The following KAZN variants were observed in gnomAD, a reference collection of about 807,000 sequenced individuals.
KAZN encodes the protein kazrin, periplakin interacting protein.
In KAZN, 40 loss-of-function variants were observed where a neutral mutation model predicts 87.4. The ratio of observed to expected loss-of-function variants is 0.46; its 90% CI spans 0.36 to 0.60. The LOEUF (loss-of-function observed/expected upper bound fraction) is 0.60. Among genes scored for constraint, KAZN ranks in the 20% least tolerant of loss-of-function variants. The pLI is 0.00. For missense variants in KAZN, 898 were observed against 1,073.9 expected, an observed-to-expected ratio of 0.84 and a Z score of 2.29; for synonymous variants, 466 against 458.3, an observed-to-expected ratio of 1.02 and a Z score of -0.22.
At chr1:14,277,149 G>A (rs1052676465) in intron 2 of KAZN, among the ~76,000 whole-genome samples, 1 of 152,004 alleles carries the variant, frequency 6.6e-6, no homozygotes, top group Non-Finnish European at 1.5e-5. Context: ...TATAAAGAAC[G>A]CCCTTGTGCC....
intron 2 of KAZN, among the ~76,000 whole-genome samples, chr1:14,434,185 C>A (rs1666246336): frequency 6.6e-6 from 1 of 152,200 alleles, no homozygotes; most frequent in East Asian, 1.9e-4. Flanking sequence ...TTCTCCTGTT[C>A]ACAGGCATTT....
intron 1 of KAZN, among the ~76,000 whole-genome samples, chr1:14,179,916 C>A (rs768778255): frequency 2.6e-5 from 4 of 152,128 alleles, no homozygotes; most frequent in South Asian, 2.1e-4. Flanking sequence ...AAATAATAAT[C>A]CTTTCAGCCC....
chr1:13,894,972 T>C (rs1638980178), intron 1 of KAZN, among the ~76,000 whole-genome samples: 2 of 152,222 alleles, frequency 1.3e-5, no homozygotes, highest in South Asian at 4.1e-4. Context: ...TTAAAAACTG[T>C]GTGATCTCAG....
intron 2 of KAZN, among the ~76,000 whole-genome samples, chr1:15,024,560 G>C (rs2102183841): frequency 6.6e-6 from 1 of 152,364 alleles, no homozygotes; most frequent in African/African-American, 2.4e-5. Context: ...CAAGTGCAAA[G>C]AACTCAGATG....
chr1:14,639,238 A>T (rs1286908089), intron 1 of KAZN, among the ~76,000 whole-genome samples: 1 of 151,750 alleles, frequency 6.6e-6, no homozygotes, highest in Non-Finnish European at 1.5e-5. Flanking sequence ...AGAAGGGGAG[A>T]CCTCCCATTT....
At chr1:13,918,635 T>C (rs1413876197) in intron 1 of KAZN, among the ~76,000 whole-genome samples, 1 of 152,252 alleles carries the variant, frequency 6.6e-6, no homozygotes, top group Non-Finnish European at 1.5e-5. Flanking sequence ...TCAAACAGCA[T>C]TGCATCTTTC....
At chr1:15,063,786 G>C (rs1232340710) in intron 7 of KAZN, among the ~76,000 whole-genome samples, 164 bp downstream of exon 7, 3 of 151,356 alleles carry the variant, frequency 2.0e-5, no homozygotes, top group Admixed American at 2.0e-4. Flanking sequence ...CCAAGGCGGA[G>C]AGGATTTATG....
chr1:14,201,787 G>T (rs1173401540), intron 2 of KAZN, among the ~76,000 whole-genome samples: 2 of 152,194 alleles, frequency 1.3e-5, no homozygotes, highest in East Asian at 3.9e-4. Flanking sequence ...TCCTGCCTTA[G>T]CCTCCCGAGT....
chr1:14,766,743 A>G (rs1401919120), intron 1 of KAZN, among the ~76,000 whole-genome samples: 6 of 151,160 alleles, frequency 4.0e-5, no homozygotes, highest in African/African-American at 1.2e-4. Context: ...AGTGTAGCGC[A>G]CTGTTGCCAC....
In KAZN at chr1:14,847,339, C is replaced by T. The variant is rs191124984; in HGVS notation, c.227-113345C>T. 3.1e-3 allele frequency among the ~76,000 whole-genome samples: 468 copies of T among 152,260 alleles called. 15 individuals are homozygous for T. The highest frequency in any genetic ancestry group is 0.028 in the Admixed American group (426 of 15,296). On this transcript the variant is annotated intron_variant, in intron 1 of 14. Coordinates refer to ENST00000376030, the MANE Select transcript of KAZN (RefSeq NM_201628.3). ...GTGGCCAACCTCCACTGACTGCAGC[C>T]GAGGCCTGTGAAGAACAGACACTGG...
intron 2 of KAZN, among the ~76,000 whole-genome samples, chr1:14,480,891 C>A (rs1476974136): frequency 1.4e-5 from 2 of 146,860 alleles, no homozygotes; most frequent in African/African-American, 4.9e-5. Context: ...ACCTACCCAA[C>A]CTGAAAGAAA....
At chr1:14,603,504 G>A (rs1677133961) in intron 1 of KAZN, among the ~76,000 whole-genome samples, 1 of 152,088 alleles carries the variant, frequency 6.6e-6, no homozygotes, top group Non-Finnish European at 1.5e-5. Flanking sequence ...TATTGATTGG[G>A]GATTATTTAC....
intron 2 of KAZN, among the ~76,000 whole-genome samples, chr1:14,518,615 G>T (rs762791038): frequency 6.6e-6 from 1 of 152,184 alleles, no homozygotes; most frequent in Non-Finnish European, 1.5e-5. Flanking sequence ...GATGAATACA[G>T]CCTTCCCATT....
intron 1 of KAZN, among the ~76,000 whole-genome samples, chr1:14,890,472 C>T (rs142900950): frequency 1.3e-3 from 195 of 152,066 alleles, no homozygotes; most frequent in African/African-American, 4.6e-3. Context: ...CCCCTAAAAG[C>T]TGAACATTTT....
chr1:15,011,550 T>TA (rs1669573482), intron 2 of KAZN, among the ~76,000 whole-genome samples: 2 of 152,050 alleles, frequency 1.3e-5, no homozygotes, highest in African/African-American at 4.8e-5. Flanking sequence ...CAACCCCAAA[T>TA]ACTCATATTC....
intron 2 of KAZN, among the ~76,000 whole-genome samples, chr1:14,308,950 A>G (rs1029219880): frequency 6.6e-6 from 1 of 152,212 alleles, no homozygotes; most frequent in East Asian, 1.9e-4. Context: ...TGCAGTCCTC[A>G]AAGGGCACGA....
intron 1 of KAZN, among the ~76,000 whole-genome samples, chr1:14,674,120 C>T (rs1640077440): frequency 6.6e-6 from 1 of 152,130 alleles, no homozygotes; most frequent in Non-Finnish European, 1.5e-5. Context: ...AACAGATGGC[C>T]ACTAGCAGAG....
At chr1:14,474,754 T>C (rs1040621687) in intron 2 of KAZN, among the ~76,000 whole-genome samples, 8 of 152,186 alleles carry the variant, frequency 5.3e-5, no homozygotes, top group African/African-American at 1.9e-4. Flanking sequence ...TAGGAGGCCA[T>C]TTCAGTCATC....
intron 2 of KAZN, among the ~76,000 whole-genome samples, chr1:15,026,472 C>A (rs1671169965): frequency 6.6e-6 from 1 of 152,172 alleles, no homozygotes; most frequent in African/African-American, 2.4e-5. Flanking sequence ...CAGACTCCAA[C>A]ACCCTCATTA....
Sources: gnomAD v4.1 joint callset for allele counts (sites outside exome capture counted in the v4.1 genomes callset) on GRCh38, gnomAD v4.1.1 for gene constraint, MANE v1.5 for transcripts, NCBI Gene and HGNC (gene_info 2026-07-23, HGNC 2026-07-21) for gene names.